The following ALK variants were observed in gnomAD, a reference collection of about 807,000 sequenced individuals.
The protein encoded by ALK is ALK receptor tyrosine kinase, also known as ALK tyrosine kinase receptor.
A neutral mutation model predicts 163.1 loss-of-function variants in ALK; 74 were observed. That is an observed-to-expected ratio of 0.45 (90% CI 0.38 to 0.55). The LOEUF is 0.55. ALK is among the 20% of genes least tolerant of loss of function. The pLI, the probability that ALK is intolerant of heterozygous loss-of-function variation, is 0.00. For synonymous variants in ALK, 960 were observed against 843.2 expected (o/e 1.14, Z -2.40); for missense variants, 2,063 against 2,105.3 (o/e 0.98, Z 0.39).
chr2:29,599,150 A>G (rs1255312540), intron 3 of ALK, among the ~76,000 whole-genome samples: 2 of 151,344 alleles, frequency 1.3e-5, no homozygotes, highest in African/African-American at 4.9e-5. Flanking sequence ...TACAAAGCAA[A>G]CCTGACAATA....
chr2:29,841,184 A>T (rs1390394459), intron 1 of ALK, among the ~76,000 whole-genome samples: 1 of 152,184 alleles, frequency 6.6e-6, no homozygotes, highest in East Asian at 1.9e-4. Context: ...CTACCCTAAC[A>T]TTACCCCCAT....
At chr2:29,314,291 A>G (rs1666769524) in intron 8 of ALK, among the ~76,000 whole-genome samples, 1 of 152,122 alleles carries the variant, frequency 6.6e-6, no homozygotes, top group Admixed American at 6.5e-5. Flanking sequence ...GGTTTTAATG[A>G]CACAAAGGAT....
At chr2:29,452,332 G>GTTT (rs66533654) in intron 4 of ALK, among the ~76,000 whole-genome samples, 5 of 146,100 alleles carry the variant, frequency 3.4e-5, no homozygotes, top group East Asian at 2.0e-4. Flanking sequence ...AGTTTTTTTT[G>GTTT]TTTTTTTTTT....
At chr2:29,793,954 C>A (rs1252926056) in intron 1 of ALK, among the ~76,000 whole-genome samples, 1 of 152,172 alleles carries the variant, frequency 6.6e-6, no homozygotes, top group Non-Finnish European at 1.5e-5. Flanking sequence ...TCACCCCTAA[C>A]AAGAGAGTCA....
At chr2:29,229,608 C>T (rs1436475586) in intron 15 of ALK, among the ~76,000 whole-genome samples, 2 of 152,164 alleles carry the variant, frequency 1.3e-5, no homozygotes, top group Non-Finnish European at 1.5e-5. Context: ...TGGGGAAGAA[C>T]GCCCCATTCT....
At chr2:29,820,948 T>G (rs1055190272) in intron 1 of ALK, among the ~76,000 whole-genome samples, 1 of 152,164 alleles carries the variant, frequency 6.6e-6, no homozygotes, top group Non-Finnish European at 1.5e-5. Flanking sequence ...GGATACATGT[T>G]GTTCTCAGGG....
At chr2:29,340,572 T>C (rs773780502) in intron 5 of ALK, among the ~76,000 whole-genome samples, 3 of 152,218 alleles carry the variant, frequency 2.0e-5, no homozygotes, top group Non-Finnish European at 4.4e-5. Context: ...CTGATGCCAC[T>C]GTCAATCATC....
At chr2:29,443,768 G>A (rs1670602601) in intron 4 of ALK, among the ~76,000 whole-genome samples, 1 of 152,180 alleles carries the variant, frequency 6.6e-6, no homozygotes, top group African/African-American at 2.4e-5. Context: ...AGTGGTGAAA[G>A]CAATTGATGG....
At position 29,751,444 on chromosome 2, in the gene ALK, C is replaced by T. The variant is rs144947543; in HGVS notation, c.668-33747G>A. 1.6e-3 allele frequency among the ~76,000 whole-genome samples: 240 copies of T among 152,042 alleles called. 4 individuals are homozygous for T. The highest frequency in any genetic ancestry group is 0.013 in the Admixed American group (199 of 15,280). On this transcript the variant is annotated intron_variant, in intron 1 of 28. Coordinates refer to ENST00000389048, the MANE Select transcript of ALK (RefSeq NM_004304.5). ...TTGCCTGAAATGTTGTTATGTGGCC[C>T]GTGACTAGTTTGATTTGGGTTCTGC...
intron 4 of ALK, among the ~76,000 whole-genome samples, chr2:29,421,483 C>T (rs1282216842): frequency 1.3e-5 from 2 of 151,408 alleles, no homozygotes; most frequent in East Asian, 1.9e-4. Context: ...TCCTGAGGGA[C>T]GTGCTAGTAG....
chr2:29,416,979 CTTTTTTTTTTTT>C lies in ALK; in HGVS notation c.1155-33132_1155-33121del, dbSNP rs751862066. 9.0e-3 allele frequency among the ~76,000 whole-genome samples: 700 copies of C among 77,682 alleles called. 16 individuals carry two copies. Among genetic ancestry groups the C allele is most frequent in the African/African-American group, 0.036 (662 of 18,178 alleles). 51.0% of individuals were successfully genotyped at this position (77,682 alleles called of 152,430 possible). ...ACTTTTGTTTTATAGATGTTTGATG[CTTTTTTTTTTTT>C]TTTTTTTTTTTTTTGAGATGGAGTC... On this transcript the variant is annotated intron_variant, in intron 4 of 28. Coordinates refer to ENST00000389048, the MANE Select transcript of ALK (RefSeq NM_004304.5).
chr2:29,242,958 C>T (rs947693749), intron 12 of ALK, among the ~76,000 whole-genome samples: 2 of 152,234 alleles, frequency 1.3e-5, no homozygotes, highest in Non-Finnish European at 2.9e-5. Context: ...AGCTGCCTAC[C>T]TGAAATAATT....
chr2:29,253,756 G>T (rs1015679846), intron 11 of ALK, among the ~76,000 whole-genome samples: 2 of 152,136 alleles, frequency 1.3e-5, no homozygotes, highest in Admixed American at 6.5e-5. Flanking sequence ...GCCTGGGTGT[G>T]GGGGTGGCCT....
rs760472364 is a variant in ALK, at chr2:29,920,795, C to T, written c.-136G>A. ...CCTGATCTCCAGAGGACTGTGCGTG[C>T]GCGCAAGTCTCTTGCTTTCCCCCAA... is the stretch of plus-strand genomic sequence containing the variant. On this transcript the variant is annotated 5_prime_UTR_variant, in exon 1 of 29. Transcript: ENST00000389048. 29 of 767,114 alleles carry T rather than the reference C, an allele frequency of 3.8e-5. No homozygotes were observed. The South Asian group carries it at 5.0e-4, about 13-fold the overall frequency. 47.5% of individuals were successfully genotyped at this position (767,114 alleles called of 1,614,324 possible).
intron 3 of ALK, among the ~76,000 whole-genome samples, chr2:29,557,325 C>A (rs1673889889): frequency 1.3e-5 from 2 of 152,080 alleles, no homozygotes; most frequent in South Asian, 2.1e-4. Context: ...TCTCAGGAAC[C>A]AAATGGTCAT....
intron 6 of ALK, among the ~76,000 whole-genome samples, chr2:29,326,255 A>G (rs1238904457): frequency 1.3e-5 from 2 of 152,136 alleles, no homozygotes; most frequent in East Asian, 3.9e-4. Flanking sequence ...AGTGGTGGGA[A>G]ATGCCCTGAG....
chr2:29,453,391 T>C (rs1425407789), intron 4 of ALK, among the ~76,000 whole-genome samples: 2 of 151,830 alleles, frequency 1.3e-5, no homozygotes, highest in Non-Finnish European at 2.9e-5. Flanking sequence ...CCAACATGCC[T>C]GGCAATTTTT....
chr2:29,211,572 C>T (rs1196896738), intron 24 of ALK, among the ~76,000 whole-genome samples: 1 of 152,116 alleles, frequency 6.6e-6, no homozygotes, highest in Non-Finnish European at 1.5e-5. Flanking sequence ...GCATGTGGAT[C>T]TGGTGAGGAA....
chr2:29,831,158 G>T lies in ALK; in HGVS notation c.667+88835C>A, dbSNP rs1403904040. Among the ~76,000 whole-genome samples, 2 of 58,656 alleles carry T rather than the reference G, an allele frequency of 3.4e-5. 1 individual carries two copies. The highest frequency in any genetic ancestry group is 6.8e-5 in the Non-Finnish European group (2 of 29,414). 38.5% of individuals were successfully genotyped at this position (58,656 alleles called of 152,430 possible). A position where few individuals can be genotyped will look rare whatever the true frequency, so the allele number is the denominator to read the frequency against. On this transcript the variant is annotated intron_variant, in intron 1 of 28. Transcript: ENST00000389048. ...AGGGGAAGAAGGGGAAGAAGGGGAA[G>T]AAGGAGAAGAGGAAGAGGAAGGGGA... is the stretch of plus-strand genomic sequence containing the variant.
Sources: allele counts gnomAD v4.1 joint callset (sites outside exome capture counted in the v4.1 genomes callset), GRCh38; gene constraint gnomAD v4.1.1; transcripts MANE v1.5; gene names NCBI Gene and HGNC (gene_info 2026-07-23, HGNC 2026-07-21).